Variants in PCDHGA5 observed in about 807,000 individuals in gnomAD.
PCDHGA5 encodes the protein protocadherin gamma subfamily A, 5, also known as protocadherin gamma-A5.
PCDHGA5 carries 36 observed loss-of-function variants against 56.7 expected under a neutral mutation model. The observed-to-expected ratio is 0.64, with a 90% CI of 0.49 to 0.84. The LOEUF (loss-of-function observed/expected upper bound fraction) is 0.84, where lower values mean the gene tolerates loss of function less well. Ranked by LOEUF, PCDHGA5 falls within the 40% of genes least tolerant of loss-of-function variation. The probability of loss-of-function intolerance (pLI) is 0.00; values close to 1 mark genes in which losing one functional copy is unlikely to be tolerated. For missense variants in PCDHGA5, 1,305 were observed against 1,201.5 expected (o/e 1.09, Z -1.27); for synonymous variants, 563 against 520.2 (o/e 1.08, Z -1.12).
chr5:141,422,390 C>T, intron 1 of PCDHGA5: 1 of 1,591,016 alleles, frequency 6.3e-7, no homozygotes, highest in Non-Finnish European at 8.5e-7. Flanking sequence ...TGTTTTATTC[C>T]TAACCACCTG....
chr5:141,440,693 C>T (rs2098194597), intron 1 of PCDHGA5: 1 of 152,136 alleles, frequency 6.6e-6, no homozygotes, highest in Non-Finnish European at 1.5e-5. Context: ...GTAAAAGTGA[C>T]CAACAGTGGA....
chr5:141,430,433 T>C (rs1371764261), intron 1 of PCDHGA5, among the ~76,000 whole-genome samples: 2 of 151,080 alleles, frequency 1.3e-5, no homozygotes, highest in Admixed American at 6.6e-5. Context: ...ATACGGTAGA[T>C]TTCCATCCCC....
chr5:141,487,623 C>T lies in PCDHGA5; in HGVS notation c.2422-7184C>T, dbSNP rs2099654624. On this transcript the variant is annotated intron_variant, in intron 1 of 3. Coordinates refer to ENST00000518069, the MANE Select transcript of PCDHGA5 (RefSeq NM_018918.3). This position sits in a 1 kb window ranked among gnomAD's most constrained non-coding sequence, Gnocchi z 5.0. The stretch of plus-strand genomic sequence containing the variant: ...CTTCTCTATGGGCTAGAGGTGAGAC[C>T]TTTGCAGGCTCAACAAATGCTTGAG... 6.2e-7 allele frequency: 1 copy of T among 1,614,088 alleles called. No individual in the cohort carries two copies. The highest frequency in any genetic ancestry group is 1.3e-5 in the African/African-American group (1 of 74,930).
At chr5:141,408,600 T>C (rs761951478) in intron 1 of PCDHGA5, 7 of 1,613,998 alleles carry the variant, frequency 4.3e-6, no homozygotes, top group Non-Finnish European at 4.2e-6. Flanking sequence ...GCCCCTCAAT[T>C]TGATAAAAAG....
intron 1 of PCDHGA5, chr5:141,383,918 TA>T: frequency 6.2e-7 from 1 of 1,613,948 alleles, no homozygotes; most frequent in Non-Finnish European, 8.5e-7. Flanking sequence ...GTTTTAGATG[TA>T]AATGATAATG....
intron 1 of PCDHGA5, chr5:141,410,230 C>T (rs759582867): frequency 6.2e-7 from 1 of 1,614,006 alleles, no homozygotes; most frequent in Admixed American, 1.7e-5. Flanking sequence ...CAGACCTCAG[C>T]GACCGCCCTG....
At chr5:141,388,632 A>C in intron 1 of PCDHGA5, 1 of 1,613,958 alleles carries the variant, frequency 6.2e-7, no homozygotes, top group Non-Finnish European at 8.5e-7. Context: ...ATACAGGGTG[A>C]GCCTTTCAGA....
intron 1 of PCDHGA5, chr5:141,408,498 G>A (rs934521153): frequency 1.7e-5 from 27 of 1,613,634 alleles, no homozygotes; most frequent in Non-Finnish European, 2.3e-5. Flanking sequence ...TGCAAAGAGA[G>A]AAGAAGATGT....
Position 141,491,260 on chromosome 5 carries a change from A to G in PCDHGA5, c.2422-3547A>G. On this transcript the variant is annotated intron_variant, in intron 1 of 3. Coordinates refer to ENST00000518069, the MANE Select transcript of PCDHGA5 (RefSeq NM_018918.3). This position sits in a 1 kb window ranked among gnomAD's most constrained non-coding sequence, Gnocchi z 6.9. ...TCTGGAGGATGAGGACCCTGAGGAA[A>G]TGCCCAAATCCAGTGACTTCCTCAT... 6.2e-7 allele frequency: 1 copy of G among 1,614,108 alleles called. No individual in the cohort carries two copies. The highest frequency in any genetic ancestry group is 1.7e-5 in the Admixed American group (1 of 60,028).
rs77983663 is a variant in PCDHGA5, at chr5:141,504,853, C to T, written c.2481-540C>T. 2.8e-4 allele frequency among the ~76,000 whole-genome samples: 42 copies of T among 152,214 alleles called. No homozygotes were observed. In the East Asian group the frequency reaches 7.7e-3, roughly 28 times the overall value. On this transcript the variant is annotated intron_variant, in intron 2 of 3. Transcript: ENST00000518069. ...TTCTCTAGCTCTGGAACATTCTCTT[C>T]CATTTCCCACCTTCACAGTCCTCTG... is the stretch of plus-strand genomic sequence containing the variant.
intron 3 of PCDHGA5, among the ~76,000 whole-genome samples, chr5:141,507,777 CT>C (rs1213538221): frequency 6.6e-6 from 1 of 152,220 alleles, no homozygotes; most frequent in Admixed American, 6.5e-5. Context: ...CACACAGGGC[CT>C]GACCCTCGTC....
intron 1 of PCDHGA5, chr5:141,385,154 C>A (rs761681846): frequency 6.2e-7 from 1 of 1,614,208 alleles, no homozygotes; most frequent in Admixed American, 1.7e-5. Context: ...TTCCTGCAGA[C>A]CTATTCCCAT....
chr5:141,489,935 T>C lies in PCDHGA5; in HGVS notation c.2422-4872T>C. On this transcript the variant is annotated intron_variant, in intron 1 of 3. Coordinates refer to ENST00000518069, the MANE Select transcript of PCDHGA5 (RefSeq NM_018918.3). The surrounding 1 kb of genome is among the most constrained non-coding windows in gnomAD (Gnocchi z 4.5). ...GGGACCACCCTTATCTCTGTCATCG[T>C]GCTGGACATCAATGATAATGCTCCA... 1 of 1,614,216 alleles carries C rather than the reference T, an allele frequency of 6.2e-7. No individual in the cohort carries two copies.
intron 1 of PCDHGA5, chr5:141,414,831 G>C: frequency 4.3e-6 from 7 of 1,614,212 alleles, no homozygotes; most frequent in Non-Finnish European, 5.9e-6. Flanking sequence ...ACGTGTCGTT[G>C]AGCCTGTTTG....
At chr5:141,384,283 G>T (rs762515266) in intron 1 of PCDHGA5, 17 of 1,613,644 alleles carry the variant, frequency 1.1e-5, no homozygotes, top group Admixed American at 1.7e-5. Flanking sequence ...AGTCTACATC[G>T]CTGAGAACAA....
chr5:141,394,488 G>C lies in PCDHGA5; in HGVS notation c.2421+27737G>C, dbSNP rs753312224. 7.4e-6 allele frequency: 12 copies of C among 1,614,196 alleles called. No homozygotes were observed. In the South Asian group the frequency reaches 1.1e-4, roughly 15 times the overall value. ...GTTCGTGCTGGACCAGAATGACAAC[G>C]CGCCCGAGATCCTGTACCCCGCCCT... is the stretch of plus-strand genomic sequence containing the variant. On this transcript the variant is annotated intron_variant, in intron 1 of 3. Transcript: ENST00000518069.
At chr5:141,409,587 C>G (rs13184186) in intron 1 of PCDHGA5, 1 of 1,613,902 alleles carries the variant, frequency 6.2e-7, no homozygotes, top group Non-Finnish European at 8.5e-7. Context: ...GTCCACGTGG[C>G]CGAGAACAAC....
At position 141,477,632 on chromosome 5, in the gene PCDHGA5, G is replaced by A. The variant is rs1262622928; in HGVS notation, c.2422-17175G>A. Reference sequence around the variant, plus strand: ...GGAGCAAGGAGCTGAAACCGGGCTAGTGGGTCGCTATTTCACAATAAATCG... The same window carrying A: ...GGAGCAAGGAGCTGAAACCGGGCTAATGGGTCGCTATTTCACAATAAATCG... On this transcript the variant is annotated intron_variant, in intron 1 of 3. Coordinates refer to ENST00000518069, the MANE Select transcript of PCDHGA5 (RefSeq NM_018918.3). This position sits in a 1 kb window ranked among gnomAD's most constrained non-coding sequence, Gnocchi z 4.9. 6.8e-6 allele frequency: 11 copies of A among 1,614,218 alleles called. No homozygotes were observed. Among genetic ancestry groups the A allele is most frequent in the Non-Finnish European group, 9.3e-6 (11 of 1,180,046 alleles).
Position 141,493,876 on chromosome 5 carries a change from G to T in PCDHGA5, c.2422-931G>T, listed in dbSNP as rs2099750541. 6.6e-6 allele frequency among the ~76,000 whole-genome samples: 1 copy of T among 152,194 alleles called. No homozygotes were observed. ...CAGCCCACCCCAGAACCAGTGAGGA[G>T]GTGGCTCTAGGAGTGCTCCATGAGA... On this transcript the variant is annotated intron_variant, in intron 1 of 3. Transcript: ENST00000518069. The surrounding 1 kb of genome is among the most constrained non-coding windows in gnomAD (Gnocchi z 4.3).
Sources: gnomAD v4.1 joint callset for allele counts (sites outside exome capture counted in the v4.1 genomes callset) on GRCh38, gnomAD v4.1.1 for gene constraint, Gnocchi (gnomAD v3.1) non-coding constraint, MANE v1.5 for transcripts, NCBI Gene and HGNC (gene_info 2026-07-23, HGNC 2026-07-21) for gene names.